LAMA2: variants seen among roughly 807,000 people sequenced by gnomAD.
LAMA2 encodes the protein laminin subunit alpha-2.
A neutral mutation model predicts 364.8 loss-of-function variants in LAMA2; 269 were observed. The observed-to-expected ratio is 0.74, with a 90% CI of 0.67 to 0.82. The LOEUF is 0.82. LAMA2 is among the 40% of genes least tolerant of loss of function. The probability of loss-of-function intolerance (pLI) is 0.00; values close to 1 mark genes in which losing one functional copy is unlikely to be tolerated. For missense variants in LAMA2, 3,807 were observed against 3,873.2 expected (o/e 0.98, Z 0.45); for synonymous variants, 1,379 against 1,370.6 (o/e 1.01, Z -0.14).
chr6:129,438,833 A>G (rs1781962621), intron 42 of LAMA2, 71 bp downstream of exon 42: 4 of 818,728 alleles, frequency 4.9e-6, no homozygotes, highest in Non-Finnish European at 8.7e-6. Flanking sequence ...AACTTTTACC[A>G]TTTTTTTCTA....
intron 4 of LAMA2, among the ~76,000 whole-genome samples, chr6:129,115,974 A>G (rs1052539866): frequency 6.6e-6 from 1 of 152,068 alleles, no homozygotes; most frequent in African/African-American, 2.4e-5. Context: ...TAGGGCTTTT[A>G]TGCATGCAAT....
chr6:129,114,779 A>G lies in LAMA2; in HGVS notation c.639+16364A>G, dbSNP rs542446245. 1.2e-4 allele frequency among the ~76,000 whole-genome samples: 19 copies of G among 152,148 alleles called. No homozygotes were observed. The South Asian group carries it at 3.5e-3, about 28-fold the overall frequency. On this transcript the variant is annotated intron_variant, in intron 4 of 64. Transcript: ENST00000421865. Reference sequence around the variant, plus strand: ...TACATTTCCCCACTCCTCCGTTTACATCACATAAACATATATGTATGGTCT... The same window carrying G: ...TACATTTCCCCACTCCTCCGTTTACGTCACATAAACATATATGTATGGTCT...
intron 10 of LAMA2, among the ~76,000 whole-genome samples, chr6:129,189,004 G>A: frequency 6.6e-6 from 1 of 152,060 alleles, no homozygotes; most frequent in East Asian, 1.9e-4. Flanking sequence ...TGACTGCCAA[G>A]AGATTTATTT....
At chr6:129,227,330 T>G (rs903267814) in intron 12 of LAMA2, among the ~76,000 whole-genome samples, 1 of 152,214 alleles carries the variant, frequency 6.6e-6, no homozygotes, top group Non-Finnish European at 1.5e-5. Context: ...TTCTCTCAAC[T>G]CCTCAAAGTC....
intron 1 of LAMA2, among the ~76,000 whole-genome samples, chr6:128,980,639 A>G (rs776721558): frequency 2.6e-5 from 4 of 152,188 alleles, no homozygotes; most frequent in Non-Finnish European, 5.9e-5. Flanking sequence ...TTATTTTTCC[A>G]TGGTGTCAGA....
Position 129,511,269 on chromosome 6 carries a change from T to C in LAMA2, c.8858-1094T>C, listed in dbSNP as rs1001038184. 7.2e-5 allele frequency among the ~76,000 whole-genome samples: 11 copies of C among 152,242 alleles called. No individual in the cohort carries two copies. In the South Asian group the frequency reaches 2.3e-3, roughly 32 times the overall value. Reference sequence around the variant, plus strand: ...CGACCCAATCACTGGGGCTTTTTTTTGGCCTCTTCATTCCTTCTGTCCTCA... The same window carrying C: ...CGACCCAATCACTGGGGCTTTTTTTCGGCCTCTTCATTCCTTCTGTCCTCA... On this transcript the variant is annotated intron_variant, in intron 62 of 64. Coordinates refer to ENST00000421865, the MANE Select transcript of LAMA2 (RefSeq NM_000426.4).
intron 3 of LAMA2, among the ~76,000 whole-genome samples, chr6:129,084,323 G>A (rs911362081): frequency 5.3e-5 from 8 of 152,152 alleles, no homozygotes; most frequent in East Asian, 1.9e-4. Context: ...ATATTTAAAT[G>A]TATTCTGTTC....
chr6:129,395,948 G>T (rs1279414260), intron 37 of LAMA2, among the ~76,000 whole-genome samples: 2 of 152,196 alleles, frequency 1.3e-5, no homozygotes, highest in East Asian at 3.8e-4. Context: ...GAAAGAAAGA[G>T]AAGATAGGCA....
chr6:129,376,417 T>A (rs1346457277), intron 34 of LAMA2, among the ~76,000 whole-genome samples: 4 of 152,198 alleles, frequency 2.6e-5, no homozygotes, highest in Non-Finnish European at 4.4e-5. Flanking sequence ...GCTTTTACTC[T>A]TGTTCTCCTC....
At chr6:129,148,892 C>G in intron 6 of LAMA2, 87 bp from the exon 7 acceptor site, 1 of 921,528 alleles carries the variant, frequency 1.1e-6, no homozygotes, top group East Asian at 2.4e-5. Context: ...GATGTTTTCT[C>G]TTTTCTTCAT....
rs562284352 is a variant in LAMA2 at position 129,468,007 on chromosome 6, G to C, written c.7300+2718G>C. Reference sequence around the variant, plus strand: ...TCTTCTGTGACATTTCTGGTTTCTAGTTCAATCCCTTTGACACAGTTGGCT... The same window carrying C: ...TCTTCTGTGACATTTCTGGTTTCTACTTCAATCCCTTTGACACAGTTGGCT... On this transcript the variant is annotated intron_variant, in intron 51 of 64. Transcript: ENST00000421865. 2.6e-5 allele frequency among the ~76,000 whole-genome samples: 4 copies of C among 151,824 alleles called. No individual in the cohort carries two copies. The East Asian group carries it at 7.8e-4, about 30-fold the overall frequency.
rs567614187 is a variant in LAMA2 at position 129,058,183 on chromosome 6, G to A, written c.284-1601G>A. ...CATGAGCAAGGCCTGTTTAGAGAGG[G>A]AGAAAGAAAAAGACCTTATATTACT... On this transcript the variant is annotated intron_variant, in intron 2 of 64. Coordinates refer to ENST00000421865, the MANE Select transcript of LAMA2 (RefSeq NM_000426.4). 2.0e-5 allele frequency among the ~76,000 whole-genome samples: 3 copies of A among 152,286 alleles called. No homozygotes were observed. The South Asian group carries it at 6.2e-4, about 32-fold the overall frequency.
chr6:129,069,285 T>A (rs928711629), intron 3 of LAMA2, among the ~76,000 whole-genome samples: 14 of 147,460 alleles, frequency 9.5e-5, no homozygotes, highest in African/African-American at 2.9e-4. Context: ...ACACAAAACA[T>A]CCACATTTCA....
At chr6:128,928,593 G>A (rs983870161) in intron 1 of LAMA2, among the ~76,000 whole-genome samples, 2 of 152,170 alleles carry the variant, frequency 1.3e-5, no homozygotes, top group East Asian at 1.9e-4. Flanking sequence ...TTATTCTTAC[G>A]ATAGAATTCC....
chr6:129,273,105 T>G (rs1354504639), intron 17 of LAMA2, among the ~76,000 whole-genome samples: 1 of 152,124 alleles, frequency 6.6e-6, no homozygotes, highest in African/African-American at 2.4e-5. Context: ...AGAAACCTGT[T>G]GGAAAATAAT....
At chr6:128,955,269 T>C (rs1781071195) in intron 1 of LAMA2, among the ~76,000 whole-genome samples, 1 of 151,992 alleles carries the variant, frequency 6.6e-6, no homozygotes, top group African/African-American at 2.4e-5. Context: ...CATGATTCAT[T>C]AATTTTCTGA....
chr6:129,077,046 GTAAA>G (rs1773709722), intron 3 of LAMA2, among the ~76,000 whole-genome samples: 1 of 152,076 alleles, frequency 6.6e-6, no homozygotes, highest in Non-Finnish European at 1.5e-5. Flanking sequence ...AAAAGGCACA[GTAAA>G]TAGTCAATTT....
intron 12 of LAMA2, among the ~76,000 whole-genome samples, chr6:129,200,351 C>CACAT (rs1782181170): frequency 7.5e-6 from 1 of 133,664 alleles, no homozygotes; most frequent in Non-Finnish European, 1.6e-5. Flanking sequence ...TATATGTGTA[C>CACAT]ACATATACAT....
At chr6:129,041,745 G>A (rs1368910390) in intron 1 of LAMA2, among the ~76,000 whole-genome samples, 2 of 152,108 alleles carry the variant, frequency 1.3e-5, no homozygotes, top group South Asian at 4.1e-4. Flanking sequence ...GCTGATGCCT[G>A]TAATCCCAGG....
Sources: allele counts gnomAD v4.1 joint callset (sites outside exome capture counted in the v4.1 genomes callset), GRCh38; gene constraint gnomAD v4.1.1; transcripts MANE v1.5; gene names NCBI Gene and HGNC (gene_info 2026-07-23, HGNC 2026-07-21).